IFTAP: variants seen among roughly 807,000 people sequenced by gnomAD.
IFTAP encodes the protein intraflagellar transport-associated protein.
Under a neutral mutation model 19.4 loss-of-function variants are expected in IFTAP, and 19 were observed. The observed-to-expected ratio is 0.98, with a 90% CI of 0.68 to 1.44. The LOEUF is 1.44. Ranked by LOEUF, IFTAP falls within the 40% of genes most tolerant of loss-of-function variation. The probability of loss-of-function intolerance (pLI) is 0.00; values close to 1 mark genes in which losing one functional copy is unlikely to be tolerated. For missense variants in IFTAP, 240 were observed against 253.6 expected, an observed-to-expected ratio of 0.95 and a Z score of 0.36; for synonymous variants, 85 against 83.5, an observed-to-expected ratio of 1.02 and a Z score of -0.10.
At chr11:36,596,217 T>TTTTTG (rs1165128695) in intron 1 of IFTAP, among the ~76,000 whole-genome samples, 5 of 138,246 alleles carry the variant, frequency 3.6e-5, no homozygotes, top group African/African-American at 1.5e-4. Flanking sequence ...TAGTGTTTTT[T>TTTTTG]TTTTGTTTTT....
chr11:36,643,591 C>T (rs1400111138), intron 4 of IFTAP, among the ~76,000 whole-genome samples: 2 of 152,198 alleles, frequency 1.3e-5, no homozygotes, highest in Non-Finnish European at 2.9e-5. Flanking sequence ...TACCTGACTT[C>T]AAACTATAGT....
chr11:36,596,233 T>TG (rs1311713415), intron 1 of IFTAP, among the ~76,000 whole-genome samples: 3 of 150,690 alleles, frequency 2.0e-5, no homozygotes, highest in Non-Finnish European at 3.0e-5. Context: ...TTTTTTTTTT[T>TG]TTTTGCTTTA....
intron 2 of IFTAP, among the ~76,000 whole-genome samples, chr11:36,623,649 A>G (rs1169767977): frequency 6.6e-6 from 1 of 152,144 alleles, no homozygotes; most frequent in Non-Finnish European, 1.5e-5. Flanking sequence ...TGTCCTTGCT[A>G]CTTCTGTCTA....
chr11:36,626,675 C>A lies in IFTAP; in HGVS notation c.137-6609C>A, dbSNP rs139024599. Among the ~76,000 whole-genome samples, 240 of 151,210 alleles carry A rather than the reference C, an allele frequency of 1.6e-3. 13 individuals carry two copies. Among genetic ancestry groups the A allele is most frequent in the Middle Eastern group, 6.8e-3 (2 of 294 alleles). Reference sequence around the variant, plus strand: ...TTAGGAAGGTAATTTCAGATTATTTCATATAAATTTGAAGAAAACAGGCCA... The same window carrying A: ...TTAGGAAGGTAATTTCAGATTATTTAATATAAATTTGAAGAAAACAGGCCA... On this transcript the variant is annotated intron_variant, in intron 2 of 5. Transcript: ENST00000334307.
chr11:36,651,241 C>T (rs971755659), intron 5 of IFTAP, among the ~76,000 whole-genome samples: 1 of 152,086 alleles, frequency 6.6e-6, no homozygotes, highest in African/African-American at 2.4e-5. Flanking sequence ...TTTTAATGAT[C>T]ACCATTCTAA....
intron 2 of IFTAP, among the ~76,000 whole-genome samples, chr11:36,610,749 C>T (rs1482817671): frequency 1.3e-5 from 2 of 152,078 alleles, no homozygotes; most frequent in African/African-American, 4.8e-5. Flanking sequence ...CCATGTGAAA[C>T]TCTTAGTGTA....
intron 2 of IFTAP, among the ~76,000 whole-genome samples, chr11:36,618,910 T>C (rs1040783019): frequency 6.6e-6 from 1 of 151,694 alleles, no homozygotes; most frequent in Non-Finnish European, 1.5e-5. Context: ...ACTAGGGTAG[T>C]TGGGGAGAAA....
intron 1 of IFTAP, among the ~76,000 whole-genome samples, chr11:36,604,641 G>T (rs547970468): frequency 1.3e-5 from 2 of 152,072 alleles, no homozygotes; most frequent in African/African-American, 4.8e-5. Context: ...GAATATACCT[G>T]CCAGGGTAAG....
chr11:36,620,301 T>A lies in IFTAP; in HGVS notation c.136+10062T>A, dbSNP rs1565014046. ...TGAACTAATTTATAGCAGAGTCCTG[T>A]GGAGGAAACAGCATCAGCAGCATTA... On this transcript the variant is annotated intron_variant, in intron 2 of 5. Transcript: ENST00000334307. Among the ~76,000 whole-genome samples the A allele has an allele frequency of 2.0e-5, 3 of 152,084 alleles. No individual in the cohort carries two copies. The South Asian group carries it at 6.2e-4, about 32-fold the overall frequency.
intron 5 of IFTAP, chr11:36,648,383 A>G (rs1853577148): frequency 2.0e-6 from 1 of 493,382 alleles, no homozygotes; most frequent in East Asian, 3.6e-5. Context: ...TTTACAGTGT[A>G]TGCCATGCCA....
At chr11:36,597,058 T>C (rs1851297930) in intron 1 of IFTAP, among the ~76,000 whole-genome samples, 1 of 152,228 alleles carries the variant, frequency 6.6e-6, no homozygotes, top group Non-Finnish European at 1.5e-5. Flanking sequence ...ATTGCTAAGA[T>C]GAATTACCTC....
At chr11:36,633,661 G>A (rs941915165) in intron 3 of IFTAP, among the ~76,000 whole-genome samples, 1 of 151,990 alleles carries the variant, frequency 6.6e-6, no homozygotes, top group East Asian at 1.9e-4. Context: ...CCCAATTTTT[G>A]TTCAAAAGTT....
chr11:36,596,446 C>T (rs538268610), intron 1 of IFTAP, among the ~76,000 whole-genome samples: 171 of 152,244 alleles, frequency 1.1e-3, no homozygotes, highest in African/African-American at 3.9e-3. Flanking sequence ...GTATATTCAG[C>T]AAACTGCCCT....
intron 5 of IFTAP, among the ~76,000 whole-genome samples, chr11:36,648,844 A>G (rs563933834): frequency 6.6e-6 from 1 of 152,148 alleles, no homozygotes; most frequent in Non-Finnish European, 1.5e-5. Flanking sequence ...ACTTAGTCAC[A>G]TGTTCATACT....
rs956505389 is a variant in IFTAP at position 36,615,682 on chromosome 11, A to G, written c.136+5443A>G. On this transcript the variant is annotated intron_variant, in intron 2 of 5. Coordinates refer to ENST00000334307, the MANE Select transcript of IFTAP (RefSeq NM_138787.4). ...TAGGTATTTTATTCTCTTTGAAGCA[A>G]TTGTGAATGGGAGTTCACTCATGAT... Among the ~76,000 whole-genome samples, 9 of 136,384 alleles carry G rather than the reference A, an allele frequency of 6.6e-5. No individual in the cohort carries two copies. In the South Asian group the frequency reaches 1.1e-3, roughly 16 times the overall value. 89.5% of individuals were successfully genotyped at this position (136,384 alleles called of 152,430 possible). A position where few individuals can be genotyped will look rare whatever the true frequency, so the allele number is the denominator to read the frequency against.
intron 4 of IFTAP, among the ~76,000 whole-genome samples, chr11:36,641,614 T>A (rs1044502726): frequency 5.3e-5 from 8 of 152,204 alleles, no homozygotes; most frequent in Non-Finnish European, 1.0e-4. Context: ...TGAGTTCTAG[T>A]TTGATTGCAC....
At chr11:36,637,969 C>T (rs1853023448) in intron 4 of IFTAP, among the ~76,000 whole-genome samples, 1 of 151,838 alleles carries the variant, frequency 6.6e-6, no homozygotes, top group Non-Finnish European at 1.5e-5. Flanking sequence ...CAACCTCTGC[C>T]TCTCAGGTTT....
At chr11:36,607,525 G>A (rs1851736751) in intron 1 of IFTAP, among the ~76,000 whole-genome samples, 1 of 151,900 alleles carries the variant, frequency 6.6e-6, no homozygotes, top group Non-Finnish European at 1.5e-5. Flanking sequence ...TAGAATAAAA[G>A]GCATAAGTAC....
chr11:36,598,725 G>A lies in IFTAP; in HGVS notation c.-24+4133G>A, dbSNP rs572533961. Among the ~76,000 whole-genome samples the A allele has an allele frequency of 8.5e-4, 130 of 152,218 alleles. 1 individual carries two copies. The highest frequency in any genetic ancestry group is 1.7e-3 in the Non-Finnish European group (113 of 68,008). On this transcript the variant is annotated intron_variant, in intron 1 of 5. Transcript: ENST00000334307. ...GTAATGATTAAGAAAATGGGCTTTT[G>A]GGGTCAAGCTCACCTGGTTTTCTTT... is the stretch of plus-strand genomic sequence containing the variant.
Sources: gnomAD v4.1 joint callset for allele counts (sites outside exome capture counted in the v4.1 genomes callset) on GRCh38, gnomAD v4.1.1 for gene constraint, MANE v1.5 for transcripts, NCBI Gene and HGNC (gene_info 2026-07-23, HGNC 2026-07-21) for gene names.